Variants in AGBL4 observed in about 807,000 individuals in gnomAD.
The protein encoded by AGBL4 is AGBL carboxypeptidase 4.
AGBL4 carries 58 observed loss-of-function variants against 66.4 expected under a neutral mutation model. The observed-to-expected ratio is 0.87, with a 90% CI of 0.71 to 1.09. AGBL4 has a LOEUF of 1.09. AGBL4 is among the 50% of genes least tolerant of loss of function. The pLI is 0.00. For synonymous variants in AGBL4, 234 were observed against 222.9 expected (o/e 1.05, Z -0.44); for missense variants, 579 against 631.0 (o/e 0.92, Z 0.88).
At chr1:49,798,422 C>T (rs1644781270) in intron 2 of AGBL4, among the ~76,000 whole-genome samples, 1 of 152,142 alleles carries the variant, frequency 6.6e-6, no homozygotes, top group Non-Finnish European at 1.5e-5. Context: ...CAGAATATTT[C>T]ATTTACTCCA....
chr1:48,973,335 G>A (rs1310889481), intron 5 of AGBL4, among the ~76,000 whole-genome samples: 1 of 152,054 alleles, frequency 6.6e-6, no homozygotes, highest in Non-Finnish European at 1.5e-5. Context: ...ACATTTTAGG[G>A]TGAATTGCTC....
At chr1:49,975,360 T>C (rs1476281603) in intron 1 of AGBL4, among the ~76,000 whole-genome samples, 1 of 152,192 alleles carries the variant, frequency 6.6e-6, no homozygotes, top group East Asian at 1.9e-4. Flanking sequence ...GTGAAAACAG[T>C]TCTGCAAGTT....
At chr1:49,617,514 C>G (rs760541757) in intron 3 of AGBL4, among the ~76,000 whole-genome samples, 1 of 152,158 alleles carries the variant, frequency 6.6e-6, no homozygotes, top group Non-Finnish European at 1.5e-5. Context: ...AGACAAAATA[C>G]AGGCTTGTGT....
At chr1:49,173,802 G>A (rs1646781866) in intron 4 of AGBL4, among the ~76,000 whole-genome samples, 1 of 152,038 alleles carries the variant, frequency 6.6e-6, no homozygotes, top group African/African-American at 2.4e-5. Flanking sequence ...TCTAGATAGA[G>A]GAAACACAGT....
intron 2 of AGBL4, among the ~76,000 whole-genome samples, chr1:49,827,079 G>A (rs1364854107): frequency 6.6e-6 from 1 of 152,118 alleles, no homozygotes; most frequent in African/African-American, 2.4e-5. Context: ...GCATACATGA[G>A]AAGGATCATA....
intron 2 of AGBL4, among the ~76,000 whole-genome samples, chr1:49,829,201 G>C (rs1465200061): frequency 6.6e-6 from 1 of 152,120 alleles, no homozygotes; most frequent in Non-Finnish European, 1.5e-5. Context: ...CTTAATGGAC[G>C]GATGGATGAA....
At chr1:49,025,799 A>C (rs1378594009) in intron 5 of AGBL4, 1 of 152,170 alleles carries the variant, frequency 6.6e-6, no homozygotes, top group Admixed American at 6.5e-5. Context: ...TAATGAAAAA[A>C]TAATAAGTGG....
intron 6 of AGBL4, among the ~76,000 whole-genome samples, chr1:48,690,324 A>G (rs552997643): frequency 1.0e-3 from 155 of 152,262 alleles, no homozygotes; most frequent in African/African-American, 3.2e-3. Flanking sequence ...TTTGATTTGG[A>G]GGATGGGGTG....
intron 5 of AGBL4, among the ~76,000 whole-genome samples, chr1:49,034,679 G>C (rs749394482): frequency 1.3e-5 from 2 of 152,172 alleles, no homozygotes; most frequent in South Asian, 2.1e-4. Context: ...GAGTTCTTAC[G>C]AGGTGTGATG....
intron 4 of AGBL4, among the ~76,000 whole-genome samples, chr1:49,084,861 T>C: frequency 6.6e-6 from 1 of 152,276 alleles, no homozygotes; most frequent in East Asian, 1.9e-4. Context: ...TCTGAGCTTA[T>C]CAGCAATTAA....
At chr1:49,830,871 T>TC (rs1038853546) in intron 2 of AGBL4, among the ~76,000 whole-genome samples, 1 of 152,194 alleles carries the variant, frequency 6.6e-6, no homozygotes, top group Admixed American at 6.5e-5. Flanking sequence ...GGGAATCCTT[T>TC]CCCCATTGCT....
chr1:48,790,576 A>T (rs6588082), intron 6 of AGBL4, among the ~76,000 whole-genome samples: 135,220 of 152,176 alleles, frequency 0.89, 62,111 homozygotes, highest in Non-Finnish European at 1. Flanking sequence ...GGCCAGAAGG[A>T]TGATGATTTC....
chr1:48,687,308 G>T (rs533142947), intron 6 of AGBL4, among the ~76,000 whole-genome samples: 1 of 152,160 alleles, frequency 6.6e-6, no homozygotes, highest in Admixed American at 6.5e-5. Context: ...AAGTTAAATG[G>T]GTATCCAGAG....
chr1:49,847,784 C>T (rs1488798898), intron 2 of AGBL4, among the ~76,000 whole-genome samples: 2 of 151,644 alleles, frequency 1.3e-5, no homozygotes, highest in South Asian at 2.1e-4. Flanking sequence ...TCACTGCAGG[C>T]TCCACCCGCC....
chr1:49,829,344 CAG>C (rs1491197178), intron 2 of AGBL4, among the ~76,000 whole-genome samples: 3 of 152,150 alleles, frequency 2.0e-5, no homozygotes, highest in East Asian at 1.9e-4. Context: ...CAGTCCGAGA[CAG>C]GGGGAGAATG....
At chr1:48,848,088 G>GA (rs958956011) in intron 6 of AGBL4, among the ~76,000 whole-genome samples, 109 of 149,330 alleles carry the variant, frequency 7.3e-4, no homozygotes, top group Non-Finnish European at 1.3e-3. Context: ...TTTATGTGAA[G>GA]AAAAAAAAAA....
intron 3 of AGBL4, among the ~76,000 whole-genome samples, chr1:49,289,925 G>C (rs949861942): frequency 2.0e-5 from 3 of 151,770 alleles, no homozygotes; most frequent in African/African-American, 4.8e-5. Context: ...TCTTTAAAAG[G>C]GTTAATGAAA....
At chr1:49,647,724 G>A (rs1309246615) in intron 3 of AGBL4, among the ~76,000 whole-genome samples, 5 of 151,858 alleles carry the variant, frequency 3.3e-5, no homozygotes, top group Non-Finnish European at 5.9e-5. Flanking sequence ...ACAGGGATTT[G>A]GTCAGAACTT....
intron 10 of AGBL4, among the ~76,000 whole-genome samples, chr1:48,587,511 C>T (rs1213942113): frequency 6.6e-6 from 1 of 151,738 alleles, no homozygotes; most frequent in Non-Finnish European, 1.5e-5. Flanking sequence ...ACCTGTAGTC[C>T]CAGCTACTTG....
Sources: allele counts gnomAD v4.1 joint callset (sites outside exome capture counted in the v4.1 genomes callset), GRCh38; gene constraint gnomAD v4.1.1; transcripts MANE v1.5; gene names NCBI Gene and HGNC (gene_info 2026-07-23, HGNC 2026-07-21).